MAP2: variants seen among roughly 807,000 people sequenced by gnomAD.
MAP2 encodes the protein microtubule-associated protein 2.
In MAP2, 14 loss-of-function variants were observed where a neutral mutation model predicts 137.6. The observed-to-expected ratio is 0.10, with a 90% CI of 0.07 to 0.16. The LOEUF (loss-of-function observed/expected upper bound fraction) is 0.16, where lower values mean the gene tolerates loss of function less well. Ranked by LOEUF, MAP2 falls within the 10% of genes least tolerant of loss-of-function variation. MAP2 has a pLI of 1.00. For missense variants in MAP2, 2,088 were observed against 2,191.5 expected (o/e 0.95, Z 0.94); for synonymous variants, 786 against 782.3 (o/e 1.00, Z -0.08).
At chr2:209,615,318 A>G (rs531630353) in intron 3 of MAP2, among the ~76,000 whole-genome samples, 1 of 152,310 alleles carries the variant, frequency 6.6e-6, no homozygotes, top group Admixed American at 6.5e-5. Context: ...TTTCTCTGCC[A>G]CAATCCTTCT....
intron 2 of MAP2, among the ~76,000 whole-genome samples, chr2:209,548,255 ACT>A (rs1376036332): frequency 6.6e-6 from 1 of 152,122 alleles, no homozygotes; most frequent in East Asian, 1.9e-4. Flanking sequence ...GAAACAAATC[ACT>A]CTGATTTGGT....
At chr2:209,705,852 A>T in intron 12 of MAP2, 125 bp downstream of exon 12, 1 of 858,362 alleles carries the variant, frequency 1.2e-6, no homozygotes, top group Non-Finnish European at 1.7e-6. Flanking sequence ...TATATTTGCC[A>T]TAAGGATCAG....
chr2:209,491,541 T>C (rs2059117191), intron 1 of MAP2, among the ~76,000 whole-genome samples: 1 of 152,038 alleles, frequency 6.6e-6, no homozygotes, highest in East Asian at 1.9e-4. Context: ...ACAAAATACA[T>C]AGACCACTAG....
chr2:209,629,269 A>G (rs1488647460), intron 4 of MAP2, among the ~76,000 whole-genome samples: 1 of 152,184 alleles, frequency 6.6e-6, no homozygotes, highest in South Asian at 2.1e-4. Flanking sequence ...GAATAGATTT[A>G]TATCTCTTCA....
At chr2:209,437,513 G>A (rs138204439) in intron 1 of MAP2, among the ~76,000 whole-genome samples, 34 of 151,432 alleles carry the variant, frequency 2.2e-4, no homozygotes, top group African/African-American at 8.0e-4. Flanking sequence ...TTCTAATTTC[G>A]ATAATAGGTA....
At chr2:209,672,356 T>C (rs890342727) in intron 5 of MAP2, among the ~76,000 whole-genome samples, 2 of 151,924 alleles carry the variant, frequency 1.3e-5, no homozygotes, top group Non-Finnish European at 2.9e-5. Flanking sequence ...AGATCTTACC[T>C]ACATTTTGTC....
At chr2:209,707,261 T>G (rs749415374) in intron 12 of MAP2, among the ~76,000 whole-genome samples, 2 of 152,206 alleles carry the variant, frequency 1.3e-5, no homozygotes, top group Non-Finnish European at 2.9e-5. Context: ...CCAATTCTAT[T>G]TTGACTTTTT....
At chr2:209,436,904 A>T (rs1479485119) in intron 1 of MAP2, among the ~76,000 whole-genome samples, 1 of 151,624 alleles carries the variant, frequency 6.6e-6, no homozygotes, top group Non-Finnish European at 1.5e-5. Flanking sequence ...TCCTAATTTT[A>T]TTGAATCTTT....
chr2:209,568,962 A>T (rs954912289), intron 2 of MAP2, among the ~76,000 whole-genome samples: 4 of 151,882 alleles, frequency 2.6e-5, no homozygotes, highest in Non-Finnish European at 5.9e-5. Flanking sequence ...CCTACAGTGA[A>T]TACGGTTTGT....
intron 1 of MAP2, among the ~76,000 whole-genome samples, chr2:209,495,233 G>C (rs1371944310): frequency 6.6e-6 from 1 of 152,206 alleles, no homozygotes; most frequent in Non-Finnish European, 1.5e-5. Flanking sequence ...AGAGCACCTG[G>C]GGGAAGAGGG....
chr2:209,678,397 T>C (rs1052355525), intron 5 of MAP2, among the ~76,000 whole-genome samples, 175 bp from the exon 6 acceptor site: 2 of 152,122 alleles, frequency 1.3e-5, no homozygotes, highest in Admixed American at 1.3e-4. Context: ...CAACTTCTTT[T>C]CTTCTTCTTT....
chr2:209,643,772 C>T (rs895940136), intron 4 of MAP2, among the ~76,000 whole-genome samples: 2 of 152,186 alleles, frequency 1.3e-5, no homozygotes, highest in African/African-American at 4.8e-5. Flanking sequence ...CAACAGAGCA[C>T]TGCCTTATTC....
chr2:209,730,598 A>G lies in MAP2; in HGVS notation c.*201A>G. On this transcript the variant is annotated 3_prime_UTR_variant, in exon 16 of 16. Transcript: ENST00000682079. ...TGACCTGATTTCCATTTGCAACAGG[A>G]AGACACTGGCTTTACATGGGTTCAA... The G allele has an allele frequency of 1.8e-6, 1 of 571,152 alleles. No homozygotes were observed. The highest frequency in any genetic ancestry group is 3.1e-6 in the Non-Finnish European group (1 of 320,718). 35.4% of individuals were successfully genotyped at this position (571,152 alleles called of 1,614,324 possible).
chr2:209,713,852 G>A (rs141372002), intron 13 of MAP2, among the ~76,000 whole-genome samples: 61 of 152,264 alleles, frequency 4.0e-4, no homozygotes, highest in African/African-American at 1.4e-3. Flanking sequence ...TGTTTTGACA[G>A]ATATCTTGTT....
intron 4 of MAP2, among the ~76,000 whole-genome samples, chr2:209,646,782 T>TTTGTTG (rs564612081): frequency 7.9e-5 from 12 of 151,954 alleles, no homozygotes; most frequent in African/African-American, 2.9e-4. Context: ...TCTTCATTCT[T>TTTGTTG]TTGTTGTTGT....
At chr2:209,560,026 C>T (rs1307562322) in intron 2 of MAP2, among the ~76,000 whole-genome samples, 1 of 152,076 alleles carries the variant, frequency 6.6e-6, no homozygotes, top group Non-Finnish European at 1.5e-5. Context: ...AATAGGAGCA[C>T]CAATATAAAT....
chr2:209,544,364 G>C (rs1293059791), intron 2 of MAP2, among the ~76,000 whole-genome samples: 2 of 152,190 alleles, frequency 1.3e-5, no homozygotes, highest in Non-Finnish European at 2.9e-5. Flanking sequence ...ATGGTATTGG[G>C]AGAAATCTTT....
intron 1 of MAP2, among the ~76,000 whole-genome samples, chr2:209,475,451 G>A (rs1706974270): frequency 6.6e-6 from 1 of 151,900 alleles, no homozygotes; most frequent in Admixed American, 6.6e-5. Flanking sequence ...GAAAAACATA[G>A]TATTTGAAAA....
chr2:209,682,513 C>T (rs1378637589), intron 7 of MAP2, among the ~76,000 whole-genome samples: 2 of 151,958 alleles, frequency 1.3e-5, no homozygotes, highest in African/African-American at 4.8e-5. Flanking sequence ...AAATAGTACA[C>T]TATCTAGTGG....
Sources: allele counts gnomAD v4.1 joint callset (sites outside exome capture counted in the v4.1 genomes callset), GRCh38; gene constraint gnomAD v4.1.1; transcripts MANE v1.5; gene names NCBI Gene and HGNC (gene_info 2026-07-23, HGNC 2026-07-21).